CABLES2: variants seen among roughly 807,000 people sequenced by gnomAD.
The protein encoded by CABLES2 is Cdk5 and Abl enzyme substrate 2.
Under a neutral mutation model 44.8 loss-of-function variants are expected in CABLES2, and 35 were observed. The ratio of observed to expected loss-of-function variants is 0.78; its 90% CI spans 0.60 to 1.04. The LOEUF (loss-of-function observed/expected upper bound fraction) is 1.04. Ranked by LOEUF, CABLES2 falls within the 50% of genes least tolerant of loss-of-function variation. The pLI is 0.00. For synonymous variants in CABLES2, 282 were observed against 281.1 expected (o/e 1.00, Z -0.03); for missense variants, 566 against 615.7 (o/e 0.92, Z 0.85).
Position 62,389,464 on chromosome 20 carries a change from C to T in CABLES2, c.*1507G>A, listed in dbSNP as rs1987869941. The T allele has an allele frequency of 1.3e-5, 2 of 152,396 alleles. No individual in the cohort carries two copies. The highest frequency in any genetic ancestry group is 1.9e-4 in the East Asian group (1 of 5,198). The allele number at this position is 152,396 out of a possible 1,614,324, so 9.4% of individuals were successfully genotyped here. A position where few individuals can be genotyped will look rare whatever the true frequency, so the allele number is the denominator to read the frequency against. ...GGCCAGGTGGGTGCTGGCAGCTGTC[C>T]TGCACCACTGCTGGGGTCGGGTGGA... On this transcript the variant is annotated 3_prime_UTR_variant, in exon 10 of 10. Transcript: ENST00000279101.
At position 62,392,974 on chromosome 20, in the gene CABLES2, G is replaced by T; in HGVS notation, c.930C>A (p.Asp310Glu). 6.2e-7 allele frequency: 1 copy of T among 1,614,070 alleles called. No individual in the cohort carries two copies. The highest frequency in any genetic ancestry group is 1.1e-5 in the South Asian group (1 of 91,086). ...TLEYNPNLLD[D>E]PQWPCGKHKR... ...TGTGCTTGCCGCAGGGCCACTGCGG[G>T]TCATCCAGGAGGTTGGGGTTGTACT... The change falls in exon 7 of 10, where the codon GAC becomes GAA. Residue 310 changes from aspartate to glutamate, a missense_variant. By Grantham distance (45) the Asp-to-Glu change is conservative. Coordinates refer to ENST00000279101, the MANE Select transcript of CABLES2 (RefSeq NM_031215.3).
chr20:62,394,599 C>T (rs545083969), intron 4 of CABLES2, among the ~76,000 whole-genome samples: 31 of 152,338 alleles, frequency 2.0e-4, no homozygotes, highest in African/African-American at 7.0e-4. Context: ...ATAATCCCCA[C>T]CCCATAGCTG....
intron 4 of CABLES2, 55 bp from the exon 5 acceptor site, chr20:62,394,320 CA>C (rs1444967934): frequency 2.1e-6 from 3 of 1,439,512 alleles, no homozygotes; most frequent in Non-Finnish European, 2.9e-6. Flanking sequence ...CAGGCTCTGG[CA>C]GCCCAGCCCA....
chr20:62,398,018 GGTGGTGGTGGTGACA>G (rs1988071447), intron 1 of CABLES2, among the ~76,000 whole-genome samples: 1 of 113,470 alleles, frequency 8.8e-6, no homozygotes, highest in Non-Finnish European at 1.7e-5. Flanking sequence ...TTATGGCGGT[GGTGGTGGTGGTGACA>G]GTGATGGTGA....
chr20:62,401,616 G>A (rs193278451), intron 1 of CABLES2, among the ~76,000 whole-genome samples: 3 of 152,228 alleles, frequency 2.0e-5, no homozygotes, highest in Admixed American at 6.5e-5. Context: ...CAGCACACAC[G>A]CCGGTCAGCA....
In CABLES2 at chr20:62,393,011, C is replaced by T. The variant is rs1569015037; in HGVS notation, c.893G>A (p.Gly298Glu). 2 of 1,613,844 alleles carry T rather than the reference C, an allele frequency of 1.2e-6. No individual in the cohort carries two copies. Among genetic ancestry groups the T allele is most frequent in the Non-Finnish European group, 8.5e-7 (1 of 1,179,898 alleles). ...GTTGGGGTTGTACTCCAGGGTGTCCCCCACGTCACTCCCTGTAAGAGAGGC... is the reference window on the plus strand; with the variant it reads ...GTTGGGGTTGTACTCCAGGGTGTCCTCCACGTCACTCCCTGTAAGAGAGGC... The part of the protein sequence containing the change: ...PASTELGSDV[G>E]DTLEYNPNLL... The change falls in exon 7 of 10, where the codon GGG (glycine) becomes GAG (glutamate). Residue 298 changes from glycine to glutamate, a missense_variant. Transcript: ENST00000279101.
intron 1 of CABLES2, among the ~76,000 whole-genome samples, chr20:62,398,119 T>TTATGAC (rs1988093377): frequency 7.4e-6 from 1 of 134,838 alleles, no homozygotes; most frequent in African/African-American, 2.9e-5. Flanking sequence ...GTGGTGGTGG[T>TTATGAC]GGTGGTTATG....
At chr20:62,392,049 G>A (rs1293301981) in intron 8 of CABLES2, among the ~76,000 whole-genome samples, 3 of 152,058 alleles carry the variant, frequency 2.0e-5, no homozygotes, top group Admixed American at 6.5e-5. Context: ...GAAGGGCCAC[G>A]GAATCTACTC....
chr20:62,395,240 C>T (rs951992744), intron 3 of CABLES2, among the ~76,000 whole-genome samples: 2 of 152,220 alleles, frequency 1.3e-5, no homozygotes, highest in Non-Finnish European at 2.9e-5. Flanking sequence ...CAGGAGCTAC[C>T]GGGGTTCCCC....
At chr20:62,399,656 C>T (rs1988153242) in intron 1 of CABLES2, among the ~76,000 whole-genome samples, 1 of 144,312 alleles carries the variant, frequency 6.9e-6, no homozygotes, top group African/African-American at 2.6e-5. Flanking sequence ...TGCAGTGGCA[C>T]AATCTTGGCT....
intron 1 of CABLES2, among the ~76,000 whole-genome samples, chr20:62,399,874 G>A (rs987546426): frequency 2.0e-5 from 3 of 152,168 alleles, no homozygotes; most frequent in Admixed American, 1.3e-4. Context: ...GATTACAGGC[G>A]TGAGCCACCA....
chr20:62,395,040 ACGGGGCCGGGGAG>A, intron 3 of CABLES2, 26 bp from the exon 4 acceptor site: 2 of 1,596,112 alleles, frequency 1.3e-6, no homozygotes, highest in Non-Finnish European at 1.7e-6. Context: ...GTCAGGGGAG[ACGGGGCCGGGGAG>A]CGGGGCTCAA....
chr20:62,398,181 GTGGTGATGGTGA>G (rs1988104868), intron 1 of CABLES2, among the ~76,000 whole-genome samples: 1 of 56,014 alleles, frequency 1.8e-5, no homozygotes. Context: ...AATGGTGGTG[GTGGTGATGGTGA>G]TGATGGTGGT....
chr20:62,392,201 G>A (rs1036251091), intron 8 of CABLES2, among the ~76,000 whole-genome samples, 188 bp downstream of exon 8: 5 of 151,404 alleles, frequency 3.3e-5, no homozygotes, highest in African/African-American at 1.2e-4. Context: ...ATGGGGCCAC[G>A]GGGGGCCTGG....
Position 62,388,828 on chromosome 20 carries a change from T to C in CABLES2, c.*2143A>G. ...AGCTGAACACCTTAGCTCCGACACC[T>C]GGATGTGTTCTAGAGAATGACAGGC... is the stretch of plus-strand genomic sequence containing the variant. On this transcript the variant is annotated 3_prime_UTR_variant, in exon 10 of 10. Transcript: ENST00000279101. 3.2e-6 allele frequency: 1 copy of C among 317,458 alleles called. No homozygotes were observed. Among genetic ancestry groups the C allele is most frequent in the Non-Finnish European group, 5.9e-6 (1 of 169,260 alleles). The allele number at this position is 317,458 out of a possible 1,614,324, so 19.7% of individuals were successfully genotyped here.
In CABLES2 at chr20:62,391,487, G is replaced by A; in HGVS notation, c.1092-34C>T. On this transcript the variant is annotated intron_variant, in intron 8 of 9. Coordinates refer to ENST00000279101, the MANE Select transcript of CABLES2 (RefSeq NM_031215.3). This position sits in a 1 kb window ranked among gnomAD's most constrained non-coding sequence, Gnocchi z 5.7. ...TAAGACAGAAGCCATGTCCCTGGGG[G>A]CTCTGGCTGGGGCTGAGGAGGCAGC... 1 of 1,605,390 alleles carries A rather than the reference G, an allele frequency of 6.2e-7. No homozygotes were observed. The highest frequency in any genetic ancestry group is 8.5e-7 in the Non-Finnish European group (1 of 1,173,590).
Position 62,390,621 on chromosome 20 carries a change from A to G in CABLES2, c.*350T>C, listed in dbSNP as rs41308711. The G allele has an allele frequency of 0.084, 23,537 of 278,640 alleles. 1,377 individuals carry two copies. The highest frequency in any genetic ancestry group is 0.18 in the African/African-American group (8,239 of 46,818). The allele number at this position is 278,640 out of a possible 1,614,324, so 17.3% of individuals were successfully genotyped here. ...TGCAGAAGGCGAGGCCAGGGGAGAC[A>G]CACTGCAGCCGGCTCGCTGCTGCAC... is the stretch of plus-strand genomic sequence containing the variant. On this transcript the variant is annotated 3_prime_UTR_variant, in exon 10 of 10. Transcript: ENST00000279101.
intron 1 of CABLES2, among the ~76,000 whole-genome samples, chr20:62,401,211 C>T (rs116678969): frequency 0.011 from 1,721 of 152,308 alleles, 33 homozygotes; most frequent in African/African-American, 0.04. Context: ...GGTTTGAGTC[C>T]ACAAGACTCT....
At position 62,407,242 on chromosome 20, in the gene CABLES2, G is replaced by C. The variant is rs1250790930; in HGVS notation, c.35C>G (p.Pro12Arg). Residue 12 changes from proline to arginine, a missense_variant, in exon 1 of 10, where the codon CCG (proline) becomes CGG (arginine). Pro to Arg is a moderately radical substitution (Grantham distance 103, BLOSUM62 -2). Transcript: ENST00000279101. Reference sequence around the variant, plus strand: ...CGGGGGCCCGGCGGGGCCGGGGGCCGGGCCCGGGGCTCCACCGGCCGCGGC... The same window carrying C: ...CGGGGGCCCGGCGGGGCCGGGGGCCCGGCCCGGGGCTCCACCGGCCGCGGC... ...AAAAAGGAPG[P>R]APGPAGPPPP... 2.0e-4 allele frequency: 154 copies of C among 781,090 alleles called. No individual in the cohort carries two copies. Among genetic ancestry groups the C allele is most frequent in the East Asian group, 3.9e-4 (3 of 7,754 alleles). The allele number at this position is 781,090 out of a possible 1,614,324, so 48.4% of individuals were successfully genotyped here.
Sources: allele counts gnomAD v4.1 joint callset (sites outside exome capture counted in the v4.1 genomes callset), GRCh38; gene constraint gnomAD v4.1.1; non-coding constraint Gnocchi (gnomAD v3.1); transcripts MANE v1.5; gene names NCBI Gene and HGNC (gene_info 2026-07-23, HGNC 2026-07-21).